The following TUBB3 variants were observed in gnomAD, a reference collection of about 807,000 sequenced individuals.
TUBB3 encodes tubulin beta-3 chain.
Under a neutral mutation model 37.8 loss-of-function variants are expected in TUBB3, and 17 were observed. The observed-to-expected ratio is 0.45, with a 90% CI of 0.31 to 0.67. TUBB3 has a LOEUF of 0.67. Among genes scored for constraint, TUBB3 ranks in the 30% least tolerant of loss-of-function variants. The probability of loss-of-function intolerance (pLI) is 0.07; values close to 1 mark genes in which losing one functional copy is unlikely to be tolerated. For missense variants in TUBB3, 262 were observed against 657.9 expected, an observed-to-expected ratio of 0.40 and a Z score of 6.58; for synonymous variants, 332 against 278.9, an observed-to-expected ratio of 1.19 and a Z score of -1.90.
chr16:89,932,022 C>G (rs2030298245), intron 1 of TUBB3: 1 of 275,274 alleles, frequency 3.6e-6, no homozygotes, highest in South Asian at 3.4e-5. Flanking sequence ...TCTCAGAGTC[C>G]CTGTGAGTCC....
rs1201199178 is a variant in TUBB3 at position 89,932,636 on chromosome 16, C to T, written c.123C>T (p.Asp41=). 2 of 1,614,130 alleles carry T rather than the reference C, an allele frequency of 1.2e-6. No homozygotes were observed. The highest frequency in any genetic ancestry group is 2.2e-5 in the East Asian group (1 of 44,888). ...DPSGNYVGDS[D]LQLERISVYY... ...GCGGCAACTACGTGGGCGACTCGGA[C>T]TTGCAGCTGGAGCGGATCAGCGTCT... Residue 41 remains aspartate (D), a synonymous_variant, in exon 2 of 4, where the codon GAC becomes GAT. Coordinates refer to ENST00000315491, the MANE Select transcript of TUBB3 (RefSeq NM_006086.4).
At chr16:89,925,308 C>T (rs2030033660) in intron 1 of TUBB3, among the ~76,000 whole-genome samples, 1 of 151,890 alleles carries the variant, frequency 6.6e-6, no homozygotes, top group Admixed American at 6.6e-5. Context: ...AATACCTGGC[C>T]GGGCACGGTG....
At chr16:89,933,133 G>T (rs1054892587) in intron 2 of TUBB3, 11 of 599,142 alleles carry the variant, frequency 1.8e-5, no homozygotes, top group Non-Finnish European at 2.8e-5. Flanking sequence ...TCGATATGTT[G>T]CCCAGGCTGG....
chr16:89,934,166 C>T, intron 3 of TUBB3: 1 of 334,626 alleles, frequency 3.0e-6, no homozygotes, highest in South Asian at 2.1e-5. Context: ...GCCACGTTCC[C>T]ATGCCTGTGT....
intron 3 of TUBB3, chr16:89,934,447 C>T (rs2030383015): frequency 1.7e-6 from 1 of 601,736 alleles, no homozygotes; most frequent in African/African-American, 1.8e-5. Context: ...AGCAGGAGGG[C>T]TGATCCATTC....
At chr16:89,926,115 C>T (rs2030069307) in intron 1 of TUBB3, among the ~76,000 whole-genome samples, 1 of 152,194 alleles carries the variant, frequency 6.6e-6, no homozygotes, top group Admixed American at 6.5e-5. Flanking sequence ...TGCCCCACTG[C>T]CGCAGAGCTG....
chr16:89,932,422 A>T lies in TUBB3; in HGVS notation c.58-149A>T, dbSNP rs74473961. The stretch of plus-strand genomic sequence containing the variant: ...ATGGCAATTTTCTGACAGGTAACAG[A>T]GTGTGGGGCTCTCTTCTGAATGGGG... On this transcript the variant is annotated intron_variant, in intron 1 of 3. Transcript: ENST00000315491. The T allele has an allele frequency of 8.8e-4, 594 of 676,750 alleles. 1 individual carries two copies. In the African/African-American group the frequency reaches 9.7e-3, roughly 11 times the overall value. The allele number at this position is 676,750 out of a possible 1,614,324, so 41.9% of individuals were successfully genotyped here. A position where few individuals can be genotyped will look rare whatever the true frequency, so the allele number is the denominator to read the frequency against.
chr16:89,922,360 A>G (rs954463047), upstream of TUBB3: 2 of 152,350 alleles, frequency 1.3e-5, no homozygotes, highest in African/African-American at 4.8e-5. Flanking sequence ...TTACTGAAGT[A>G]TCAGAAGGCC....
intron 1 of TUBB3, chr16:89,931,783 C>G (rs1005112821): frequency 1.5e-5 from 5 of 327,124 alleles, no homozygotes; most frequent in Admixed American, 3.4e-5. Flanking sequence ...GCCCCTGAGT[C>G]TAGGCTCCGC....
In TUBB3 at chr16:89,935,872, G is replaced by A. The variant is rs375964256; in HGVS notation, c.*68G>A. On this transcript the variant is annotated 3_prime_UTR_variant, in exon 4 of 4. Transcript: ENST00000315491. ...CGAAGCCAGCAGTGTCTAAACCCCC[G>A]GAGCCATCTTGCTGCCGACACCCTG... is the stretch of plus-strand genomic sequence containing the variant. 1.1e-3 allele frequency: 1,617 copies of A among 1,532,826 alleles called. 27 individuals carry two copies. In the South Asian group the frequency reaches 0.014, roughly 14 times the overall value. 95.0% of individuals were successfully genotyped at this position (1,532,826 alleles called of 1,614,324 possible).
Position 89,932,678 on chromosome 16 carries a change from T to C in TUBB3, c.165T>C (p.Ser55=), listed in dbSNP as rs748846111. ...ERISVYYNEA[S]SHKYVPRAIL... The stretch of plus-strand genomic sequence containing the variant: ...TCAGCGTCTACTACAACGAGGCCTC[T>C]TGTGAGTGCCTGCCCCAGCCTCCCT... Residue 55 remains serine (S), a splice_region_variant and synonymous_variant, in exon 2 of 4, where the codon TCT becomes TCC. Transcript: ENST00000315491. 1.2e-6 allele frequency: 2 copies of C among 1,609,364 alleles called. No homozygotes were observed. Among genetic ancestry groups the C allele is most frequent in the South Asian group, 1.1e-5 (1 of 90,952 alleles).
intron 1 of TUBB3, among the ~76,000 whole-genome samples, chr16:89,928,801 G>C (rs994658232): frequency 2.6e-5 from 4 of 151,972 alleles, no homozygotes; most frequent in African/African-American, 9.7e-5. Context: ...TAGGACCACA[G>C]ACAGGCGTGA....
chr16:89,927,945 C>CA (rs1454010183), intron 1 of TUBB3, among the ~76,000 whole-genome samples: 4 of 152,306 alleles, frequency 2.6e-5, no homozygotes, highest in Admixed American at 2.6e-4. Flanking sequence ...CTTTGGGGAG[C>CA]AAGGTCCCCG....
intron 1 of TUBB3, among the ~76,000 whole-genome samples, chr16:89,931,420 C>G (rs1201994662): frequency 6.6e-6 from 1 of 152,218 alleles, no homozygotes; most frequent in East Asian, 1.9e-4. Context: ...GTCAGGCAGC[C>G]CTGGGAAGCC....
At chr16:89,929,065 C>A (rs1479859079) in intron 1 of TUBB3, among the ~76,000 whole-genome samples, 4 of 151,270 alleles carry the variant, frequency 2.6e-5, no homozygotes, top group Middle Eastern at 3.4e-3. Context: ...TGGGTTCAAG[C>A]GATTCTCGTG....
At chr16:89,933,268 C>A in intron 2 of TUBB3, 200 bp from the exon 3 acceptor site, 1 of 709,254 alleles carries the variant, frequency 1.4e-6, no homozygotes, top group Non-Finnish European at 2.6e-6. Flanking sequence ...CCGTCCTGTC[C>A]TGCTCCGTCC....
Position 89,934,791 on chromosome 16 carries a change from G to C in TUBB3, c.340G>C (p.Asp114His). 1 of 1,614,156 alleles carries C rather than the reference G, an allele frequency of 6.2e-7. No homozygotes were observed. Among genetic ancestry groups the C allele is most frequent in the Non-Finnish European group, 8.5e-7 (1 of 1,180,006 alleles). Residue 114 changes from aspartate (D) to histidine (H), a missense_variant, in exon 4 of 4, where the codon GAT (aspartate) becomes CAT (histidine). Asp to His is a moderately conservative substitution (Grantham distance 81). Transcript: ENST00000315491. ...CTACACGGAGGGGGCGGAGCTGGTG[G>C]ATTCGGTCCTGGATGTGGTGCGGAA... ...GHYTEGAELV[D>H]SVLDVVRKEC...
At chr16:89,931,519 G>A (rs2030277301) in intron 1 of TUBB3, among the ~76,000 whole-genome samples, 1 of 149,742 alleles carries the variant, frequency 6.7e-6, no homozygotes, top group Admixed American at 6.8e-5. Flanking sequence ...CCCACGATGA[G>A]GTGGCAACTT....
At chr16:89,933,657 A>G in intron 3 of TUBB3, 79 bp downstream of exon 3, 1 of 1,096,076 alleles carries the variant, frequency 9.1e-7, no homozygotes, top group Non-Finnish European at 1.4e-6. Context: ...GACGGCTGTG[A>G]GAAACAAGGA....
Sources: gnomAD v4.1 joint callset for allele counts (sites outside exome capture counted in the v4.1 genomes callset) on GRCh38, gnomAD v4.1.1 for gene constraint, MANE v1.5 for transcripts, NCBI Gene and HGNC (gene_info 2026-07-23, HGNC 2026-07-21) for gene names.